LUZP2: variants seen among roughly 807,000 people sequenced by gnomAD.
LUZP2 encodes leucine zipper protein 2.
LUZP2 carries 52 observed loss-of-function variants against 51.6 expected under a neutral mutation model. That is an observed-to-expected ratio of 1.01 (90% CI 0.81 to 1.27). The LOEUF is 1.27. Among genes scored for constraint, LUZP2 ranks in the 50% most tolerant of loss-of-function variants. LUZP2 has a pLI of 0.00. For missense variants in LUZP2, 436 were observed against 395.4 expected (o/e 1.10, Z -0.87); for synonymous variants, 154 against 137.3 (o/e 1.12, Z -0.85).
chr11:24,935,303 A>G (rs1854558409), intron 7 of LUZP2, among the ~76,000 whole-genome samples: 1 of 152,174 alleles, frequency 6.6e-6, no homozygotes, highest in Non-Finnish European at 1.5e-5. Flanking sequence ...CAGTGATGCA[A>G]TCATGAGTCC....
chr11:24,857,696 C>A (rs185116263), intron 5 of LUZP2, among the ~76,000 whole-genome samples: 1,244 of 32,708 alleles, frequency 0.038, 6 homozygotes, highest in Middle Eastern at 0.071. Flanking sequence ...TCTTGATCTG[C>A]AGTCAGAGGG....
At chr11:24,722,927 G>A (rs76997662) in intron 1 of LUZP2, among the ~76,000 whole-genome samples, 10 of 150,482 alleles carry the variant, frequency 6.6e-5, no homozygotes, top group Admixed American at 6.0e-4. Context: ...AAAAAAAAAA[G>A]AGAGAGAGAG....
intron 5 of LUZP2, among the ~76,000 whole-genome samples, chr11:24,851,848 G>A (rs1468153976): frequency 6.6e-6 from 1 of 152,060 alleles, no homozygotes; most frequent in Admixed American, 6.6e-5. Flanking sequence ...CGTCTTGGGA[G>A]GGTGTTAAGT....
chr11:24,568,945 T>G (rs1447853668), intron 1 of LUZP2, among the ~76,000 whole-genome samples: 1 of 151,964 alleles, frequency 6.6e-6, no homozygotes. Flanking sequence ...AAAAGCAATG[T>G]GTAAACCTTA....
chr11:24,601,916 A>T (rs1288709562), intron 1 of LUZP2, among the ~76,000 whole-genome samples: 1 of 78,624 alleles, frequency 1.3e-5, no homozygotes, highest in African/African-American at 4.9e-5. Context: ...ATATATGTAT[A>T]TATGTATATA....
At chr11:25,010,627 C>T (rs1316538160) in intron 9 of LUZP2, among the ~76,000 whole-genome samples, 1 of 152,016 alleles carries the variant, frequency 6.6e-6, no homozygotes, top group Non-Finnish European at 1.5e-5. Flanking sequence ...GAGGCTTGAA[C>T]TACTTGAGAT....
At position 24,860,765 on chromosome 11, in the gene LUZP2, C is replaced by T. The variant is rs188013702; in HGVS notation, c.397-45226C>T. The stretch of plus-strand genomic sequence containing the variant: ...CAGAAAACAACAACAACTGCATCAA[C>T]GACAACAAAAGGCCCCCCCAAAAAC... On this transcript the variant is annotated intron_variant, in intron 5 of 11. Coordinates refer to ENST00000336930, the MANE Select transcript of LUZP2 (RefSeq NM_001009909.4). Among the ~76,000 whole-genome samples the T allele has an allele frequency of 2.6e-4, 40 of 152,190 alleles. No homozygotes were observed. In the East Asian group the frequency reaches 3.1e-3, roughly 12 times the overall value.
chr11:24,734,890 G>T (rs1858873162), intron 3 of LUZP2, among the ~76,000 whole-genome samples: 16 of 151,792 alleles, frequency 1.1e-4, no homozygotes, highest in Admixed American at 1.1e-3. Context: ...CTTGTTTTCT[G>T]TTTGTCCTCA....
Position 24,590,961 on chromosome 11 carries a change from C to A in LUZP2, c.62+93656C>A, listed in dbSNP as rs1468888995. Among the ~76,000 whole-genome samples the A allele has an allele frequency of 4.6e-5, 7 of 152,020 alleles. No homozygotes were observed. The South Asian group carries it at 1.5e-3, about 32-fold the overall frequency. On this transcript the variant is annotated intron_variant, in intron 1 of 11. Transcript: ENST00000336930. ...GCGCTAGCAAATAGATTTACAAGAT[C>A]CTGGCCGAGCAAGGTGGCTCACACC...
chr11:24,867,482 A>G (rs1221281462), intron 5 of LUZP2, among the ~76,000 whole-genome samples: 2 of 152,084 alleles, frequency 1.3e-5, no homozygotes, highest in Middle Eastern at 3.2e-3. Context: ...TTTCTTGTTC[A>G]GAAACTGCTG....
At chr11:24,873,522 C>A (rs181971958) in intron 5 of LUZP2, among the ~76,000 whole-genome samples, 3 of 152,048 alleles carry the variant, frequency 2.0e-5, no homozygotes, top group Non-Finnish European at 4.4e-5. Flanking sequence ...TTCAGATAAC[C>A]CTTTGACTTC....
intron 5 of LUZP2, among the ~76,000 whole-genome samples, chr11:24,822,432 G>A (rs1850388961): frequency 6.6e-6 from 1 of 152,086 alleles, no homozygotes; most frequent in South Asian, 2.1e-4. Flanking sequence ...CTAGTGTGTG[G>A]GTGTGGGTGT....
chr11:24,935,602 A>T (rs888334024), intron 7 of LUZP2, among the ~76,000 whole-genome samples: 1 of 152,156 alleles, frequency 6.6e-6, no homozygotes, highest in Non-Finnish European at 1.5e-5. Flanking sequence ...AGTAGCTCTC[A>T]TCTCTATTAA....
In LUZP2 at chr11:25,078,794, C is replaced by G. The variant is rs1859394316; in HGVS notation, c.*136C>G. ...TTATGTAACTTTATAAAGTAGCCTACACATTTTCAAAGATTCCAGACCAAT... is the reference window on the plus strand; with the variant it reads ...TTATGTAACTTTATAAAGTAGCCTAGACATTTTCAAAGATTCCAGACCAAT... On this transcript the variant is annotated 3_prime_UTR_variant, in exon 12 of 12. Coordinates refer to ENST00000336930, the MANE Select transcript of LUZP2 (RefSeq NM_001009909.4). The G allele has an allele frequency of 3.0e-6, 2 of 676,324 alleles. No individual in the cohort carries two copies. The highest frequency in any genetic ancestry group is 3.7e-5 in the African/African-American group (2 of 53,880). The allele number at this position is 676,324 out of a possible 1,614,324, so 41.9% of individuals were successfully genotyped here. A position where few individuals can be genotyped will look rare whatever the true frequency, so the allele number is the denominator to read the frequency against.
At position 24,497,279 on chromosome 11, in the gene LUZP2, C is replaced by T; in HGVS notation, c.36C>T (p.Leu12=). The stretch of plus-strand genomic sequence containing the variant: ...GCCCAGCGCACTACCTGCTGCCTCT[C>T]CTGCCTGCGCTGGTCCTCAGCACCA... The part of the protein sequence containing the change: ...KFSPAHYLLP[L]LPALVLSTRQ... The change falls in exon 1 of 12, where the codon CTC becomes CTT. Residue 12 remains leucine (L), a synonymous_variant. Transcript: ENST00000336930. 2 of 1,567,074 alleles carry T rather than the reference C, an allele frequency of 1.3e-6. No homozygotes were observed. The highest frequency in any genetic ancestry group is 1.7e-6 in the Non-Finnish European group (2 of 1,155,176).
chr11:24,804,128 T>G (rs1849782326), intron 5 of LUZP2, among the ~76,000 whole-genome samples: 1 of 152,148 alleles, frequency 6.6e-6, no homozygotes. Flanking sequence ...TTATTTCAAT[T>G]TTCACACTAA....
chr11:24,733,680 A>G (rs115304189), intron 3 of LUZP2, among the ~76,000 whole-genome samples: 2,099 of 151,682 alleles, frequency 0.014, 52 homozygotes, highest in African/African-American at 0.04. Flanking sequence ...CAGTTGGTAA[A>G]GAGGAATAAC....
intron 5 of LUZP2, chr11:24,786,357 A>G: frequency 2.0e-6 from 2 of 982,712 alleles, no homozygotes; most frequent in Non-Finnish European, 2.4e-6. Context: ...TATCTAATAA[A>G]TACATTCCTG....
At chr11:24,579,598 A>G (rs1045675658) in intron 1 of LUZP2, among the ~76,000 whole-genome samples, 13 of 152,094 alleles carry the variant, frequency 8.5e-5, no homozygotes, top group Non-Finnish European at 1.9e-4. Context: ...ACTGATGTAT[A>G]GTAGAAATAA....
Sources: allele counts gnomAD v4.1 joint callset (sites outside exome capture counted in the v4.1 genomes callset), GRCh38; gene constraint gnomAD v4.1.1; transcripts MANE v1.5; gene names NCBI Gene and HGNC (gene_info 2026-07-23, HGNC 2026-07-21).